The following TAFA4 variants were observed in gnomAD, a reference collection of about 807,000 sequenced individuals.
TAFA4 encodes the protein TAFA chemokine like family member 4.
TAFA4 carries 20 observed loss-of-function variants against 21.1 expected under a neutral mutation model. That is an observed-to-expected ratio of 0.95 (90% CI 0.67 to 1.38). TAFA4 has a LOEUF of 1.38. TAFA4 is among the 40% of genes most tolerant of loss of function. The probability of loss-of-function intolerance (pLI) is 0.00; values close to 1 mark genes in which losing one functional copy is unlikely to be tolerated. For missense variants in TAFA4, 211 were observed against 180.9 expected (o/e 1.17, Z -0.95); for synonymous variants, 71 against 67.4 (o/e 1.05, Z -0.26).
intron 3 of TAFA4, among the ~76,000 whole-genome samples, chr3:68,813,253 C>T (rs184191519): frequency 1.7e-4 from 26 of 152,150 alleles, no homozygotes; most frequent in African/African-American, 4.8e-4. Flanking sequence ...CCTAACATCA[C>T]AATTAAAAGA....
intron 1 of TAFA4, among the ~76,000 whole-genome samples, chr3:68,913,160 G>T (rs1443497631): frequency 1.3e-5 from 2 of 152,160 alleles, no homozygotes; most frequent in East Asian, 1.9e-4. Context: ...GAATGCAATG[G>T]CTGCTTCTAC....
At chr3:68,806,537 C>T (rs1361822901) in intron 3 of TAFA4, among the ~76,000 whole-genome samples, 1 of 152,052 alleles carries the variant, frequency 6.6e-6, no homozygotes, top group Non-Finnish European at 1.5e-5. Flanking sequence ...TATAAGATAG[C>T]AATGATACAC....
chr3:68,799,814 G>GA (rs1430105480), intron 3 of TAFA4, among the ~76,000 whole-genome samples: 2 of 152,118 alleles, frequency 1.3e-5, no homozygotes, highest in Non-Finnish European at 2.9e-5. Flanking sequence ...GAACCAGGCT[G>GA]CACAGCAGGA....
intron 3 of TAFA4, among the ~76,000 whole-genome samples, chr3:68,854,486 C>T (rs956224125): frequency 1.3e-5 from 2 of 152,030 alleles, no homozygotes; most frequent in African/African-American, 4.8e-5. Flanking sequence ...GGTCAAAAGG[C>T]CGTGTGTTCA....
At chr3:68,840,908 G>A (rs377577850) in intron 3 of TAFA4, among the ~76,000 whole-genome samples, 46 of 152,274 alleles carry the variant, frequency 3.0e-4, no homozygotes, top group African/African-American at 1.1e-3. Flanking sequence ...ACTAAATGGA[G>A]TTTCTTTCTA....
chr3:68,773,037 T>G (rs1402815053), intron 3 of TAFA4, among the ~76,000 whole-genome samples: 1 of 152,178 alleles, frequency 6.6e-6, no homozygotes, highest in Non-Finnish European at 1.5e-5. Flanking sequence ...AAATTAAAAG[T>G]CATGATTAAC....
chr3:68,836,712 TACAA>T lies in TAFA4; in HGVS notation c.130+44014_130+44017del, dbSNP rs1198973719. Reference sequence around the variant, plus strand: ...ATAGTCTTTCAACAGAAAATTTATTTACAATAGTAAGATTTATTACTAATTTGGA... The same window carrying T: ...ATAGTCTTTCAACAGAAAATTTATTTTAGTAAGATTTATTACTAATTTGGA... On this transcript the variant is annotated intron_variant, in intron 3 of 5. Coordinates refer to ENST00000295569, the MANE Select transcript of TAFA4 (RefSeq NM_182522.5). 6.4e-3 allele frequency among the ~76,000 whole-genome samples: 972 copies of T among 152,350 alleles called. 10 individuals carry two copies. The highest frequency in any genetic ancestry group is 0.022 in the African/African-American group (902 of 41,578).
At chr3:68,771,131 A>G (rs1286360564) in intron 3 of TAFA4, among the ~76,000 whole-genome samples, 1 of 151,972 alleles carries the variant, frequency 6.6e-6, no homozygotes, top group Non-Finnish European at 1.5e-5. Context: ...CTCCCCATCC[A>G]TCTCACTGAG....
At chr3:68,748,235 C>G (rs1702494484) in intron 4 of TAFA4, among the ~76,000 whole-genome samples, 1 of 152,232 alleles carries the variant, frequency 6.6e-6, no homozygotes, top group Non-Finnish European at 1.5e-5. Flanking sequence ...ATGCAATATA[C>G]ATATCCTCCC....
At chr3:68,808,473 TA>T (rs1022690497) in intron 3 of TAFA4, among the ~76,000 whole-genome samples, 6 of 152,146 alleles carry the variant, frequency 3.9e-5, no homozygotes, top group South Asian at 2.1e-4. Context: ...CAACCTACCT[TA>T]AAAAAATAAT....
At chr3:68,845,647 C>T (rs9848564) in intron 3 of TAFA4, among the ~76,000 whole-genome samples, 47,477 of 152,028 alleles carry the variant, frequency 0.31, 7,846 homozygotes, top group Non-Finnish European at 0.37. Context: ...GTTTATGCAG[C>T]GGCTGGTACC....
chr3:68,811,230 G>T (rs1703830714), intron 3 of TAFA4, among the ~76,000 whole-genome samples: 2 of 152,266 alleles, frequency 1.3e-5, no homozygotes, highest in Middle Eastern at 6.8e-3. Context: ...GGAAAAAACA[G>T]AGCAGAAAAA....
chr3:68,804,784 C>T (rs571479158), intron 3 of TAFA4, among the ~76,000 whole-genome samples: 7 of 152,250 alleles, frequency 4.6e-5, no homozygotes, highest in South Asian at 2.1e-4. Flanking sequence ...CTTCCTTACA[C>T]CTTATACAAA....
chr3:68,809,992 A>C (rs901047790), intron 3 of TAFA4, among the ~76,000 whole-genome samples: 1 of 152,178 alleles, frequency 6.6e-6, no homozygotes, highest in African/African-American at 2.4e-5. Flanking sequence ...ATCGGGTAAC[A>C]GATTTTCTAA....
At chr3:68,927,591 C>T (rs2090120507) in intron 1 of TAFA4, among the ~76,000 whole-genome samples, 1 of 152,160 alleles carries the variant, frequency 6.6e-6, no homozygotes, top group Non-Finnish European at 1.5e-5. Context: ...AGTGTTTTCT[C>T]TTTGCTTCAT....
At position 68,885,263 on chromosome 3, in the gene TAFA4, G is replaced by A; in HGVS notation, c.-75C>T. The A allele has an allele frequency of 6.9e-7, 1 of 1,456,996 alleles. No homozygotes were observed. The highest frequency in any genetic ancestry group is 1.4e-5 in the African/African-American group (1 of 70,608). The allele number at this position is 1,456,996 out of a possible 1,614,324, so 90.3% of individuals were successfully genotyped here. On this transcript the variant is annotated 5_prime_UTR_variant, in exon 2 of 6. Coordinates refer to ENST00000295569, the MANE Select transcript of TAFA4 (RefSeq NM_182522.5). ...GACTCCAAATTCCCATCTGTTGCTAGAACCAATCATTTCTGCCGTTCCAAA... is the reference window on the plus strand; with the variant it reads ...GACTCCAAATTCCCATCTGTTGCTAAAACCAATCATTTCTGCCGTTCCAAA...
intron 3 of TAFA4, among the ~76,000 whole-genome samples, chr3:68,879,937 G>A (rs2089596476): frequency 6.6e-6 from 1 of 152,162 alleles, no homozygotes; most frequent in African/African-American, 2.4e-5. Flanking sequence ...CCAAAGCTGA[G>A]AGAGTAAATT....
chr3:68,857,553 A>G (rs187251035), intron 3 of TAFA4, among the ~76,000 whole-genome samples: 5 of 152,304 alleles, frequency 3.3e-5, no homozygotes, highest in African/African-American at 9.6e-5. Flanking sequence ...AACCATGAAT[A>G]CTTTACTAAT....
intron 1 of TAFA4, among the ~76,000 whole-genome samples, chr3:68,895,709 T>TA (rs1194742727): frequency 2.0e-5 from 3 of 152,104 alleles, no homozygotes; most frequent in Non-Finnish European, 2.9e-5. Context: ...ATTTTTTTTT[T>TA]AATCAACTCT....
Sources: allele counts gnomAD v4.1 joint callset (sites outside exome capture counted in the v4.1 genomes callset), GRCh38; gene constraint gnomAD v4.1.1; transcripts MANE v1.5; gene names NCBI Gene and HGNC (gene_info 2026-07-23, HGNC 2026-07-21).